TMPRSS15: variants seen among roughly 807,000 people sequenced by gnomAD.
The protein encoded by TMPRSS15 is enteropeptidase.
In TMPRSS15, 128 loss-of-function variants were observed where a neutral mutation model predicts 125.3. That is an observed-to-expected ratio of 1.02 (90% CI 0.89 to 1.18). The LOEUF (loss-of-function observed/expected upper bound fraction) is 1.18. TMPRSS15 is among the 50% of genes most tolerant of loss of function. The pLI is 0.00. For missense variants in TMPRSS15, 1,283 were observed against 1,212.7 expected (o/e 1.06, Z -0.86); for synonymous variants, 446 against 423.2 (o/e 1.05, Z -0.66).
At chr21:18,430,499 C>G (rs1250714674) in intron 1 of TMPRSS15, among the ~76,000 whole-genome samples, 1 of 151,938 alleles carries the variant, frequency 6.6e-6, no homozygotes, top group Admixed American at 6.6e-5. Context: ...GGTGGTTGCT[C>G]AACCAAAACT....
chr21:18,421,390 A>C (rs2076191783), intron 1 of TMPRSS15, among the ~76,000 whole-genome samples: 1 of 152,162 alleles, frequency 6.6e-6, no homozygotes, highest in South Asian at 2.1e-4. Context: ...AACTGTGGAT[A>C]GTTTTTACTT....
chr21:18,318,611 T>C (rs1454806482), intron 16 of TMPRSS15, among the ~76,000 whole-genome samples: 1 of 152,224 alleles, frequency 6.6e-6, no homozygotes, highest in Non-Finnish European at 1.5e-5. Context: ...GTTGATATTA[T>C]ACTTGACTGT....
chr21:18,314,433 C>T (rs1294361622), intron 17 of TMPRSS15, among the ~76,000 whole-genome samples: 1 of 152,144 alleles, frequency 6.6e-6, no homozygotes, highest in Non-Finnish European at 1.5e-5. Flanking sequence ...CACCCACCAC[C>T]ACGCCTGGCA....
At chr21:18,466,631 A>C (rs1978667585) in intron 1 of TMPRSS15, among the ~76,000 whole-genome samples, 1 of 152,224 alleles carries the variant, frequency 6.6e-6, no homozygotes, top group South Asian at 2.1e-4. Flanking sequence ...AAAAGAAGAC[A>C]TTTATGTGGC....
At chr21:18,458,103 A>T (rs1276330718) in intron 1 of TMPRSS15, among the ~76,000 whole-genome samples, 3 of 152,112 alleles carry the variant, frequency 2.0e-5, no homozygotes, top group African/African-American at 4.8e-5. Context: ...AAATGACATA[A>T]TTTTTGATAG....
At chr21:18,406,533 C>A (rs1421624016), upstream of TMPRSS15, among the ~76,000 whole-genome samples, 2 of 151,662 alleles carry the variant, frequency 1.3e-5, no homozygotes, top group African/African-American at 4.8e-5. Flanking sequence ...AAGGGCAAAA[C>A]CAAACAAAAA....
chr21:18,461,790 G>A (rs972323723), intron 1 of TMPRSS15, among the ~76,000 whole-genome samples: 2 of 151,840 alleles, frequency 1.3e-5, no homozygotes, highest in Non-Finnish European at 2.9e-5. Flanking sequence ...TATTTTCAGT[G>A]CCTTTTAAAA....
rs139030125 is a variant in TMPRSS15, at chr21:18,417,697, A to G, written c.11-19368T>C. Among the ~76,000 whole-genome samples, 1,204 of 152,104 alleles carry G rather than the reference A, an allele frequency of 7.9e-3. 21 individuals carry two copies. The highest frequency in any genetic ancestry group is 0.028 in the African/African-American group (1,165 of 41,478). On this transcript the variant is annotated intron_variant, in intron 1 of 7. Coordinates refer to the TMPRSS15 transcript ENST00000422787. ...GTTTCTGATCTAGAAAATAAAATTA[A>G]CTCTTCAGTGAAATGATCCAAATAG...
intron 1 of TMPRSS15, among the ~76,000 whole-genome samples, chr21:18,410,728 G>T (rs950435386): frequency 7.2e-5 from 11 of 151,900 alleles, no homozygotes; most frequent in Admixed American, 5.2e-4. Flanking sequence ...TGACTGGTTT[G>T]AAACCAGTTT....
chr21:18,349,960 T>C (rs373588100), intron 10 of TMPRSS15, among the ~76,000 whole-genome samples: 2 of 150,782 alleles, frequency 1.3e-5, no homozygotes, highest in East Asian at 3.9e-4. Context: ...AGCAGAAAAA[T>C]GATAATTTGA....
At chr21:18,478,134 A>G (rs1161191359) in intron 1 of TMPRSS15, among the ~76,000 whole-genome samples, 1 of 152,076 alleles carries the variant, frequency 6.6e-6, no homozygotes, top group Non-Finnish European at 1.5e-5. Flanking sequence ...GTTTTTTTCC[A>G]GAGTAAAGTC....
intron 1 of TMPRSS15, among the ~76,000 whole-genome samples, chr21:18,463,889 C>A (rs1244274235): frequency 2.6e-5 from 4 of 151,906 alleles, no homozygotes. Context: ...TAAAGAAGTT[C>A]TTTGGCCAGG....
Position 18,403,668 on chromosome 21 carries a change from A to G in TMPRSS15, c.-46T>C, listed in dbSNP as rs369180338. ...TAATTTAAGAACTGAAAGAGAATAT[A>G]AATAATTCTACCAACTGAAGAGAAA... On this transcript the variant is annotated 5_prime_UTR_variant, in exon 1 of 25. Transcript: ENST00000284885. The G allele has an allele frequency of 9.3e-6, 15 of 1,611,910 alleles. No individual in the cohort carries two copies. The highest frequency in any genetic ancestry group is 1.2e-5 in the Non-Finnish European group (14 of 1,178,414).
At chr21:18,324,174 T>C (rs2075267383) in intron 16 of TMPRSS15, among the ~76,000 whole-genome samples, 1 of 152,174 alleles carries the variant, frequency 6.6e-6, no homozygotes, top group South Asian at 2.1e-4. Context: ...TTTTCTTTCA[T>C]TGTATCTTTC....
At chr21:18,288,821 C>A (rs1289027497) in intron 21 of TMPRSS15, among the ~76,000 whole-genome samples, 1 of 151,962 alleles carries the variant, frequency 6.6e-6, no homozygotes, top group East Asian at 1.9e-4. Flanking sequence ...CAGGCATGAG[C>A]CACCACACCC....
intron 1 of TMPRSS15, among the ~76,000 whole-genome samples, chr21:18,412,101 A>C (rs2076167383): frequency 1.3e-5 from 2 of 152,174 alleles, no homozygotes; most frequent in Admixed American, 6.5e-5. Flanking sequence ...ATCCTAACCA[A>C]TTCACAATTC....
intron 13 of TMPRSS15, among the ~76,000 whole-genome samples, chr21:18,340,243 A>G (rs1403689073): frequency 6.6e-6 from 1 of 152,190 alleles, no homozygotes; most frequent in Non-Finnish European, 1.5e-5. Flanking sequence ...GCAGAAGAAC[A>G]TGGAAGGATT....
intron 16 of TMPRSS15, among the ~76,000 whole-genome samples, chr21:18,323,044 C>T (rs1432828014): frequency 6.6e-6 from 1 of 152,164 alleles, no homozygotes; most frequent in African/African-American, 2.4e-5. Context: ...CAAACTGTAA[C>T]TGTAACTTTT....
At chr21:18,456,487 AT>A (rs1369868505) in intron 1 of TMPRSS15, among the ~76,000 whole-genome samples, 1 of 152,108 alleles carries the variant, frequency 6.6e-6, no homozygotes, top group Admixed American at 6.6e-5. Flanking sequence ...GGACATTTCA[AT>A]TGAACTACAA....
Sources: gnomAD v4.1 joint callset for allele counts (sites outside exome capture counted in the v4.1 genomes callset) on GRCh38, gnomAD v4.1.1 for gene constraint, MANE v1.5 for transcripts, NCBI Gene and HGNC (gene_info 2026-07-23, HGNC 2026-07-21) for gene names.